The following ARFGEF3 variants were observed in gnomAD, a reference collection of about 807,000 sequenced individuals.
ARFGEF3 encodes brefeldin A-inhibited guanine nucleotide-exchange protein 3.
Under a neutral mutation model 221.7 loss-of-function variants are expected in ARFGEF3, and 96 were observed. The observed-to-expected ratio is 0.43, with a 90% CI of 0.37 to 0.51. The LOEUF (loss-of-function observed/expected upper bound fraction) is 0.51. Among genes scored for constraint, ARFGEF3 ranks in the 20% least tolerant of loss-of-function variants. The probability of loss-of-function intolerance (pLI) is 0.00; values close to 1 mark genes in which losing one functional copy is unlikely to be tolerated. For synonymous variants in ARFGEF3, 1,145 were observed against 1,126.8 expected, an observed-to-expected ratio of 1.02 and a Z score of -0.32; for missense variants, 2,410 against 2,789.9, an observed-to-expected ratio of 0.86 and a Z score of 3.07.
chr6:138,300,200 G>A (rs1213683604), intron 22 of ARFGEF3, among the ~76,000 whole-genome samples: 1 of 152,134 alleles, frequency 6.6e-6, no homozygotes, highest in African/African-American at 2.4e-5. Flanking sequence ...TAAGTTTAAG[G>A]AAATAAAGGA....
intron 6 of ARFGEF3, 137 bp from the exon 7 acceptor site, chr6:138,242,815 G>C: frequency 1.5e-6 from 1 of 668,932 alleles, no homozygotes; most frequent in Non-Finnish European, 2.7e-6. Context: ...CTGGTGGGTA[G>C]GGGTGGGCTC....
chr6:138,317,314 G>A lies in ARFGEF3; in HGVS notation c.4409G>A (p.Arg1470Gln), dbSNP rs140915335. The A allele has an allele frequency of 7.2e-5, 116 of 1,613,768 alleles. No individual in the cohort carries two copies. The Middle Eastern group carries it at 1.3e-3, about 18-fold the overall frequency. The change falls in exon 27 of 34, where the codon CGG (arginine) becomes CAG (glutamine). Residue 1470 changes from arginine (R) to glutamine (Q), a missense_variant. Arg to Gln is a conservative substitution (Grantham distance 43). Transcript: ENST00000251691. Reference sequence around the variant, plus strand: ...ACAGCGGCTGTGTCCAATTGTCCACGGCAGCACCAACCACCAACTCTGGAT... The same window carrying A: ...ACAGCGGCTGTGTCCAATTGTCCACAGCAGCACCAACCACCAACTCTGGAT... Reference protein sequence around the residue: ...QLTAAVSNCPRQHQPPTLDLL... With the variant: ...QLTAAVSNCPQQHQPPTLDLL...
Position 138,278,494 on chromosome 6 carries a change from C to T in ARFGEF3, c.2172C>T (p.Ser724=). The T allele has an allele frequency of 1.9e-6, 3 of 1,614,010 alleles. No individual in the cohort carries two copies. Among genetic ancestry groups the T allele is most frequent in the Non-Finnish European group, 2.5e-6 (3 of 1,179,884 alleles). Residue 724 remains serine (S), a synonymous_variant, in exon 13 of 34, where the codon AGC becomes AGT. Coordinates refer to ENST00000251691, the MANE Select transcript of ARFGEF3 (RefSeq NM_020340.5). ...SPGFDGNSSL[S]FQMLMNADSL... ...GCTTTGACGGGAATAGCAGCCTCAG[C>T]TTCCAGATGCTGATGAACGCAGACA...
intron 25 of ARFGEF3, among the ~76,000 whole-genome samples, chr6:138,312,829 C>T (rs1183659089): frequency 6.6e-6 from 1 of 152,198 alleles, no homozygotes; most frequent in Non-Finnish European, 1.5e-5. Context: ...CCTGCTTCAG[C>T]CTCCCGAGTA....
chr6:138,278,717 T>C, intron 13 of ARFGEF3, 100 bp downstream of exon 13: 4 of 1,326,218 alleles, frequency 3.0e-6, no homozygotes, highest in Non-Finnish European at 4.2e-6. Flanking sequence ...ACAGCGTGTT[T>C]TGTTCCAGAC....
In ARFGEF3 at chr6:138,328,092, C is replaced by A; in HGVS notation, c.5073C>A (p.Leu1691=). Residue 1691 remains leucine, a synonymous_variant, in exon 32 of 34, where the codon CTC becomes CTA. Transcript: ENST00000251691. The part of the protein sequence containing the change: ...NNFDHAQSCQ[L]IIELPPDEKP... ...TTGACCACGCTCAGTCCTGCCAGCT[C>A]ATTATTGAGCTGCCTCCTGATGAAA... The A allele has an allele frequency of 6.3e-7, 1 of 1,579,544 alleles. No individual in the cohort carries two copies. The highest frequency in any genetic ancestry group is 2.3e-5 in the East Asian group (1 of 43,762).
chr6:138,190,705 A>G (rs909459806), intron 2 of ARFGEF3, among the ~76,000 whole-genome samples: 3 of 152,164 alleles, frequency 2.0e-5, no homozygotes, highest in Non-Finnish European at 4.4e-5. Context: ...AACAGTTCTC[A>G]GTGCTGTGTT....
intron 13 of ARFGEF3, 39 bp from the exon 14 acceptor site, chr6:138,279,960 G>C (rs1487218792): frequency 6.2e-7 from 1 of 1,607,132 alleles, no homozygotes; most frequent in African/African-American, 1.3e-5. Context: ...TAGTGAGCAG[G>C]GTGTTATGTG....
chr6:138,191,126 C>T (rs1050084384), intron 2 of ARFGEF3, among the ~76,000 whole-genome samples: 5 of 152,086 alleles, frequency 3.3e-5, no homozygotes, highest in Non-Finnish European at 7.4e-5. Context: ...AAGTTCCTAG[C>T]TCACATCACT....
At chr6:138,323,622 A>T (rs1313277369) in intron 29 of ARFGEF3, 49 bp from the exon 30 acceptor site, 1 of 1,529,956 alleles carries the variant, frequency 6.5e-7, no homozygotes, top group East Asian at 2.3e-5. Context: ...AAAAAAACAA[A>T]CAACAACAAC....
In ARFGEF3 at chr6:138,278,604, C is replaced by A. The variant is rs758792709; in HGVS notation, c.2282C>A (p.Ala761Glu). Residue 761 changes from alanine to glutamate, a missense_variant, in exon 13 of 34, where the codon GCG (alanine) becomes GAG (glutamate). By Grantham distance (107) the Ala-to-Glu change is moderately radical (BLOSUM62 -1). Around this residue, in one of 5 missense-constraint regions of ARFGEF3, gnomAD observed 594 missense variants for 734.3 expected, o/e 0.81. Coordinates refer to ENST00000251691, the MANE Select transcript of ARFGEF3 (RefSeq NM_020340.5). ...TACTACAGGAAGCGGCCGACCCTGG[C>A]GCCAGGCGTGATGGTGAGTGTGCCG... ...GDYYRKRPTL[A>E]PGVMKDFMKQ... is the part of the protein sequence containing the mutation. 1 of 1,613,786 alleles carries A rather than the reference C, an allele frequency of 6.2e-7. No individual in the cohort carries two copies. The highest frequency in any genetic ancestry group is 8.5e-7 in the Non-Finnish European group (1 of 1,179,830).
At chr6:138,209,102 TTTTGGGGGGGATGCA>T (rs1252974259) in intron 3 of ARFGEF3, among the ~76,000 whole-genome samples, 1 of 151,892 alleles carries the variant, frequency 6.6e-6, no homozygotes, top group Non-Finnish European at 1.5e-5. Flanking sequence ...CTTGTTGAGG[TTTTGGGGGGGATGCA>T]TTTTCTGATG....
In ARFGEF3 at chr6:138,305,828, TAAGAA is replaced by T. The variant is rs1383827950; in HGVS notation, c.3829-1420_3829-1416del. The stretch of plus-strand genomic sequence containing the variant: ...ATCACCCATTTTTGACAAAACCTTT[TAAGAA>T]AAGAGGAATTAGAGGGATTTCCTCC... On this transcript the variant is annotated intron_variant, in intron 22 of 33. Coordinates refer to ENST00000251691, the MANE Select transcript of ARFGEF3 (RefSeq NM_020340.5). Among the ~76,000 whole-genome samples the T allele has an allele frequency of 2.0e-5, 3 of 152,086 alleles. No homozygotes were observed. The East Asian group carries it at 5.8e-4, about 29-fold the overall frequency.
intron 4 of ARFGEF3, among the ~76,000 whole-genome samples, chr6:138,225,404 G>T (rs1388005865): frequency 6.6e-6 from 1 of 152,122 alleles, no homozygotes; most frequent in East Asian, 1.9e-4. Flanking sequence ...CTCCAGTGTT[G>T]GCGCTTTGTT....
At chr6:138,230,786 G>A (rs956303594) in intron 5 of ARFGEF3, among the ~76,000 whole-genome samples, 1 of 152,180 alleles carries the variant, frequency 6.6e-6, no homozygotes, top group Non-Finnish European at 1.5e-5. Context: ...AATATGGATT[G>A]ATACAGATGG....
rs574732237 is a variant in ARFGEF3, at chr6:138,168,452, G to C, written c.86-2210G>C. Among the ~76,000 whole-genome samples, 3 of 152,344 alleles carry C rather than the reference G, an allele frequency of 2.0e-5. No individual in the cohort carries two copies. The South Asian group carries it at 6.2e-4, about 32-fold the overall frequency. ...AGGAAGTGAGGACCAGATCATGAAA[G>C]TCCTTGTTGGGCTCTCTAAGGATGA... On this transcript the variant is annotated intron_variant, in intron 1 of 33. Transcript: ENST00000251691.
At chr6:138,216,442 A>G (rs1468250396) in intron 4 of ARFGEF3, 1 of 152,114 alleles carries the variant, frequency 6.6e-6, no homozygotes, top group Admixed American at 6.5e-5. Context: ...TAAATTATGT[A>G]TCAGTACTGT....
chr6:138,209,788 A>T, intron 3 of ARFGEF3, 122 bp from the exon 4 acceptor site: 3 of 1,245,014 alleles, frequency 2.4e-6, no homozygotes, highest in Non-Finnish European at 3.4e-6. Flanking sequence ...GTTCTTTCTT[A>T]ATGGCCTCCA....
chr6:138,264,209 A>C (rs1778843720), intron 12 of ARFGEF3, among the ~76,000 whole-genome samples: 1 of 152,220 alleles, frequency 6.6e-6, no homozygotes, highest in Non-Finnish European at 1.5e-5. Flanking sequence ...ATCACATCAG[A>C]AAATAATGCT....
Sources: gnomAD v4.1 joint callset for allele counts (sites outside exome capture counted in the v4.1 genomes callset) on GRCh38, gnomAD v4.1.1 for gene constraint, gnomAD v4.1.1 regional missense constraint, MANE v1.5 for transcripts, NCBI Gene and HGNC (gene_info 2026-07-23, HGNC 2026-07-21) for gene names.